The following LRRC4B variants were observed in gnomAD, a reference collection of about 807,000 sequenced individuals.
LRRC4B encodes leucine-rich repeat-containing protein 4B.
In LRRC4B, 1 loss-of-function variant was observed where a neutral mutation model predicts 7.3. That is an observed-to-expected ratio of 0.14 (90% CI 0.05 to 0.65). The LOEUF is 0.65. Ranked by LOEUF, LRRC4B falls within the 30% of genes least tolerant of loss-of-function variation. The pLI is 0.84. For synonymous variants in LRRC4B, 500 were observed against 499.2 expected, an observed-to-expected ratio of 1.00 and a Z score of -0.02; for missense variants, 730 against 1,041.6, an observed-to-expected ratio of 0.70 and a Z score of 4.12.
intron 1 of LRRC4B, among the ~76,000 whole-genome samples, chr19:50,557,340 C>T (rs1051049222): frequency 2.6e-5 from 4 of 152,196 alleles, no homozygotes; most frequent in Non-Finnish European, 4.4e-5. Flanking sequence ...AATCTCCACT[C>T]ACAGGCGGTG....
chr19:50,545,969 C>T (rs1350666839), intron 2 of LRRC4B, among the ~76,000 whole-genome samples: 3 of 151,834 alleles, frequency 2.0e-5, no homozygotes, highest in Non-Finnish European at 2.9e-5. Flanking sequence ...AGCAATCCAC[C>T]TGCCTCAGTC....
chr19:50,551,779 T>A lies in LRRC4B; in HGVS notation c.-35-2906A>T, dbSNP rs114494517. 4.2e-3 allele frequency among the ~76,000 whole-genome samples: 637 copies of A among 151,572 alleles called. 4 individuals carry two copies. The highest frequency in any genetic ancestry group is 0.015 in the African/African-American group (610 of 41,262). The stretch of plus-strand genomic sequence containing the variant: ...CTGTCTTGGTCCCTTTCTCCCCGGC[T>A]CTGTCTGTCTCTCTCTTTCTCCGCG... On this transcript the variant is annotated intron_variant, in intron 1 of 2. Transcript: ENST00000652263.
chr19:50,552,386 T>C (rs529536656), intron 1 of LRRC4B, among the ~76,000 whole-genome samples: 22 of 151,924 alleles, frequency 1.4e-4, no homozygotes, highest in African/African-American at 5.3e-4. Flanking sequence ...CGTCACCCCG[T>C]CCCGTGGCTG....
chr19:50,550,629 G>A (rs945906002), intron 1 of LRRC4B, among the ~76,000 whole-genome samples: 1 of 152,172 alleles, frequency 6.6e-6, no homozygotes, highest in Non-Finnish European at 1.5e-5. Flanking sequence ...GTGTGAGAGC[G>A]AGGGCTAGAC....
intron 2 of LRRC4B, among the ~76,000 whole-genome samples, chr19:50,535,085 G>A (rs942971240): frequency 6.2e-4 from 95 of 152,170 alleles, no homozygotes; most frequent in African/African-American, 2.2e-3. Context: ...AGCCAGGATG[G>A]TCTCGATCTC....
At chr19:50,520,173 T>C (rs553913484) in intron 2 of LRRC4B, among the ~76,000 whole-genome samples, 41 of 111,242 alleles carry the variant, frequency 3.7e-4, no homozygotes, top group Non-Finnish European at 5.5e-4. Context: ...GCCACTGCAC[T>C]CCAGCCTGGG....
At chr19:50,532,368 C>A (rs1981097225) in intron 2 of LRRC4B, among the ~76,000 whole-genome samples, 1 of 152,244 alleles carries the variant, frequency 6.6e-6, no homozygotes, top group Non-Finnish European at 1.5e-5. Context: ...GACCTTGCCA[C>A]ATCCCCACTC....
rs1015743018 is a variant in LRRC4B at position 50,556,915 on chromosome 19, C to T, written c.-35-8042G>A. 2.0e-5 allele frequency among the ~76,000 whole-genome samples: 3 copies of T among 150,598 alleles called. No homozygotes were observed. The highest frequency in any genetic ancestry group is 4.4e-5 in the Non-Finnish European group (3 of 67,684). ...GAGGGAAGCCGGGAGGAGGGAATGT[C>T]GAGCTGTTACAGAGGCCGTGGCAAT... is the stretch of plus-strand genomic sequence containing the variant. On this transcript the variant is annotated intron_variant, in intron 1 of 2. Coordinates refer to ENST00000652263, the MANE Select transcript of LRRC4B (RefSeq NM_001080457.2). This position sits in a 1 kb window ranked among gnomAD's most constrained non-coding sequence, Gnocchi z 4.2.
intron 2 of LRRC4B, among the ~76,000 whole-genome samples, chr19:50,523,717 G>C (rs1980682842): frequency 6.6e-6 from 1 of 152,086 alleles, no homozygotes; most frequent in Admixed American, 6.6e-5. Context: ...CTAGCACTCT[G>C]AGAGGCCAAG....
chr19:50,562,304 G>A lies in LRRC4B; in HGVS notation c.-36+5640C>T, dbSNP rs543872821. 5.9e-5 allele frequency among the ~76,000 whole-genome samples: 9 copies of A among 152,108 alleles called. No homozygotes were observed. In the East Asian group the frequency reaches 1.7e-3, roughly 29 times the overall value. The stretch of plus-strand genomic sequence containing the variant: ...TTTCTAGGTGTACTATTTTGGGCAA[G>A]GGACCCACCTCTCTGGGCCTCAGTT... On this transcript the variant is annotated intron_variant, in intron 1 of 2. Transcript: ENST00000652263.
intron 2 of LRRC4B, among the ~76,000 whole-genome samples, chr19:50,525,461 A>G (rs1482696842): frequency 2.0e-5 from 3 of 148,984 alleles, no homozygotes; most frequent in African/African-American, 7.5e-5. Context: ...GCTGGAGTGC[A>G]ATGGCGTAAT....
In LRRC4B at chr19:50,517,280, G is replaced by T; in HGVS notation, c.*291C>A. ...CCCGGAACGCTTGGTGGGAGAGCGA[G>T]GAGGAAACGCGGAGAACTCAGGCCA... On this transcript the variant is annotated 3_prime_UTR_variant, in exon 3 of 3. Coordinates refer to ENST00000652263, the MANE Select transcript of LRRC4B (RefSeq NM_001080457.2). This position sits in a 1 kb window ranked among gnomAD's most constrained non-coding sequence, Gnocchi z 6.6. 1 of 273,014 alleles carries T rather than the reference G, an allele frequency of 3.7e-6. No individual in the cohort carries two copies. The highest frequency in any genetic ancestry group is 6.9e-6 in the Non-Finnish European group (1 of 144,658). The allele number at this position is 273,014 out of a possible 1,614,324, so 16.9% of individuals were successfully genotyped here.
chr19:50,526,956 C>A (rs1275239874), intron 2 of LRRC4B, among the ~76,000 whole-genome samples: 1 of 151,098 alleles, frequency 6.6e-6, no homozygotes, highest in African/African-American at 2.4e-5. Context: ...CGGGTTCATG[C>A]AATTCTCTTG....
chr19:50,562,388 T>C (rs1675231562), intron 1 of LRRC4B, among the ~76,000 whole-genome samples: 1 of 151,880 alleles, frequency 6.6e-6, no homozygotes, highest in African/African-American at 2.4e-5. Context: ...GCCTGAGGAA[T>C]ACACGGAAAA....
At chr19:50,522,452 T>C (rs1980619785) in intron 2 of LRRC4B, among the ~76,000 whole-genome samples, 1 of 137,828 alleles carries the variant, frequency 7.3e-6, no homozygotes, top group Non-Finnish European at 1.5e-5. Flanking sequence ...GTGAAGCTAT[T>C]TTATTTATTA....
At position 50,520,482 on chromosome 19, in the gene LRRC4B, T is replaced by C. The variant is rs144641128; in HGVS notation, c.298-1067A>G. Among the ~76,000 whole-genome samples, 611 of 150,354 alleles carry C rather than the reference T, an allele frequency of 4.1e-3. 5 individuals are homozygous for C. The highest frequency in any genetic ancestry group is 0.014 in the African/African-American group (586 of 40,892). ...CCGTCTCTACTAAAAATACAAAAAT[T>C]AGCCAGGCGTGGTGGCACATGCCTG... On this transcript the variant is annotated intron_variant, in intron 2 of 2. Coordinates refer to ENST00000652263, the MANE Select transcript of LRRC4B (RefSeq NM_001080457.2).
rs1171779518 is a variant in LRRC4B, at chr19:50,518,227, C to T, written c.1486G>A (p.Glu496Lys). 6.2e-7 allele frequency: 1 copy of T among 1,608,772 alleles called. No individual in the cohort carries two copies. Among genetic ancestry groups the T allele is most frequent in the Middle Eastern group, 1.7e-4 (1 of 6,044 alleles). ...AGGGCCTCCTCTCCGGGCTGCGTCTCCAGGGTCTCCACGGTCACCGTGGTG... is the reference window on the plus strand; with the variant it reads ...AGGGCCTCCTCTCCGGGCTGCGTCTTCAGGGTCTCCACGGTCACCGTGGTG... The part of the protein sequence containing the change: ...YFTTVTVETL[E>K]TQPGEEALQP... The change falls in exon 3 of 3, where the codon GAG becomes AAG. Residue 496 changes from glutamate to lysine, a missense_variant. Physicochemically the swap from Glu to Lys is moderately conservative, Grantham distance 56. Transcript: ENST00000652263.
At position 50,541,337 on chromosome 19, in the gene LRRC4B, C is replaced by T. The variant is rs1981538770; in HGVS notation, c.297+7205G>A. 2.1e-5 allele frequency among the ~76,000 whole-genome samples: 3 copies of T among 145,778 alleles called. No homozygotes were observed. The South Asian group carries it at 6.5e-4, about 32-fold the overall frequency. On this transcript the variant is annotated intron_variant, in intron 2 of 2. Transcript: ENST00000652263. ...CCAAGATTGCACCACTGCACTCCAG[C>T]CTGGTGACAGAGTGAAGCAAGACTC... is the stretch of plus-strand genomic sequence containing the variant.
At chr19:50,529,794 G>A (rs549751031) in intron 2 of LRRC4B, among the ~76,000 whole-genome samples, 5 of 152,148 alleles carry the variant, frequency 3.3e-5, no homozygotes, top group African/African-American at 7.2e-5. Flanking sequence ...AGTGAGAATC[G>A]TCTCGATAAT....
Sources: gnomAD v4.1 joint callset for allele counts (sites outside exome capture counted in the v4.1 genomes callset) on GRCh38, gnomAD v4.1.1 for gene constraint, Gnocchi (gnomAD v3.1) non-coding constraint, MANE v1.5 for transcripts, NCBI Gene and HGNC (gene_info 2026-07-23, HGNC 2026-07-21) for gene names.